Variants in MYO10 observed in about 807,000 individuals in gnomAD.
MYO10 encodes the protein unconventional myosin-X.
A neutral mutation model predicts 257.3 loss-of-function variants in MYO10; 133 were observed. The ratio of observed to expected loss-of-function variants is 0.52; its 90% CI spans 0.45 to 0.60. The LOEUF is 0.60. MYO10 is among the 20% of genes least tolerant of loss of function. MYO10 has a pLI of 0.00. For missense variants in MYO10, 2,399 were observed against 2,635.7 expected (o/e 0.91, Z 1.97); for synonymous variants, 1,104 against 1,028.6 (o/e 1.07, Z -1.40).
chr5:16,755,579 C>T (rs1043433280), intron 18 of MYO10, among the ~76,000 whole-genome samples: 3 of 152,198 alleles, frequency 2.0e-5, no homozygotes, highest in Non-Finnish European at 4.4e-5. Flanking sequence ...TGTCATTATT[C>T]TTCCCAATTC....
At chr5:16,892,362 C>T (rs1437411769) in intron 1 of MYO10, among the ~76,000 whole-genome samples, 1 of 152,138 alleles carries the variant, frequency 6.6e-6, no homozygotes, top group African/African-American at 2.4e-5. Flanking sequence ...ATGGGGTTGC[C>T]GGGCACGGTG....
In MYO10 at chr5:16,679,978, G is replaced by C; in HGVS notation, c.4511C>G (p.Thr1504Ser). Reference sequence around the variant, plus strand: ...ATCTTGAATCAGCTGCTGGGTGGGGGTGTCGATCGGGGCCTTGGTGTCAGT... The same window carrying C: ...ATCTTGAATCAGCTGCTGGGTGGGGCTGTCGATCGGGGCCTTGGTGTCAGT... Reference protein sequence around the residue: ...NVTDTKAPIDTPTQQLIQDIK... With the variant: ...NVTDTKAPIDSPTQQLIQDIK... The change falls in exon 33 of 41, where the codon ACC (threonine) becomes AGC (serine). Residue 1504 changes from threonine to serine, a missense_variant. Physicochemically the swap from Thr to Ser is moderately conservative, Grantham distance 58. Coordinates refer to ENST00000513610, the MANE Select transcript of MYO10 (RefSeq NM_012334.3). The C allele has an allele frequency of 4.3e-6, 7 of 1,613,904 alleles. No homozygotes were observed. The highest frequency in any genetic ancestry group is 5.1e-6 in the Non-Finnish European group (6 of 1,179,846).
rs147115502 is a variant in MYO10 at position 16,717,430 on chromosome 5, A to G, written c.1930-6185T>C. Among the ~76,000 whole-genome samples the G allele has an allele frequency of 3.9e-5, 6 of 152,344 alleles. No homozygotes were observed. In the East Asian group the frequency reaches 1.2e-3, roughly 29 times the overall value. On this transcript the variant is annotated intron_variant, in intron 19 of 40. Transcript: ENST00000513610. ...AGACATTCTCTGGAGATTTAAGCAC[A>G]AGGAACATTCCTAGAGATCAACTTG...
chr5:16,857,733 A>AAGGTTTT (rs1381727322), intron 2 of MYO10, among the ~76,000 whole-genome samples: 1 of 152,112 alleles, frequency 6.6e-6, no homozygotes, highest in Non-Finnish European at 1.5e-5. Flanking sequence ...TGAGCAAGGA[A>AAGGTTTT]CCTCCTCTCA....
intron 4 of MYO10, among the ~76,000 whole-genome samples, chr5:16,787,340 A>C (rs1176671566): frequency 6.6e-6 from 1 of 152,146 alleles, no homozygotes; most frequent in African/African-American, 2.4e-5. Context: ...GAAGAAATAT[A>C]ATTAAATAAC....
In MYO10 at chr5:16,689,881, T is replaced by C. The variant is rs769863794; in HGVS notation, c.3839A>G (p.Asp1280Gly). ...IDNTTKENGIDIIMADRTFHL... is the reference protein window; with the variant it reads ...IDNTTKENGIGIIMADRTFHL... Reference sequence around the variant, plus strand: ...GAAAGTCCTATCGGCCATAATGATGTCGATCCCATTCTCCTTGGTGGTGTT... The same window carrying C: ...GAAAGTCCTATCGGCCATAATGATGCCGATCCCATTCTCCTTGGTGGTGTT... Residue 1280 changes from aspartate to glycine, a missense_variant, in exon 28 of 41, where the codon GAC (aspartate) becomes GGC (glycine). Coordinates refer to ENST00000513610, the MANE Select transcript of MYO10 (RefSeq NM_012334.3). The C allele has an allele frequency of 4.3e-6, 7 of 1,613,654 alleles. No homozygotes were observed. The Admixed American group carries it at 8.3e-5, about 19-fold the overall frequency.
At chr5:16,721,214 C>T (rs953663876) in intron 19 of MYO10, among the ~76,000 whole-genome samples, 2 of 152,186 alleles carry the variant, frequency 1.3e-5, no homozygotes, top group Non-Finnish European at 2.9e-5. Flanking sequence ...CTCCCATCCC[C>T]TCCTCTTGCT....
intron 2 of MYO10, among the ~76,000 whole-genome samples, chr5:16,818,439 T>TATATATGTATATATATATATACG (rs1742706650): frequency 6.8e-6 from 1 of 147,198 alleles, no homozygotes; most frequent in African/African-American, 2.6e-5. Context: ...CATATCTTTG[T>TATATATGTATATATATATATACG]TGTTGTTGTT....
chr5:16,675,558 C>T (rs577303523), intron 34 of MYO10, among the ~76,000 whole-genome samples: 4 of 152,026 alleles, frequency 2.6e-5, no homozygotes, highest in South Asian at 2.1e-4. Flanking sequence ...GGCAATATGG[C>T]GAAACCCTGT....
intron 19 of MYO10, among the ~76,000 whole-genome samples, chr5:16,736,560 G>A (rs2126625602): frequency 6.6e-6 from 1 of 152,218 alleles, no homozygotes; most frequent in African/African-American, 2.4e-5. Flanking sequence ...TTCCACTTCT[G>A]CACAGGACCT....
At chr5:16,738,533 TG>T in intron 19 of MYO10, 1 of 335,864 alleles carries the variant, frequency 3.0e-6, no homozygotes, top group Non-Finnish European at 4.2e-6. Flanking sequence ...CAGGTGTATG[TG>T]TATGTATATC....
intron 3 of MYO10, 61 bp downstream of exon 3, chr5:16,817,948 C>T: frequency 7.9e-7 from 1 of 1,270,592 alleles, no homozygotes; most frequent in South Asian, 2.3e-5. Flanking sequence ...TCTCTGAAAA[C>T]AAAAATAAGC....
At position 16,711,114 on chromosome 5, in the gene MYO10, C is replaced by G; in HGVS notation, c.2054+7G>C. ...AAGAAAGAGAATCCAATTCAGCTCC[C>G]TCTTGCCTTTTGTAAAAGTCCTGAA... is the stretch of plus-strand genomic sequence containing the variant. On this transcript the variant is annotated splice_region_variant and intron_variant, in intron 20 of 40. Coordinates refer to ENST00000513610, the MANE Select transcript of MYO10 (RefSeq NM_012334.3). 1 of 1,613,906 alleles carries G rather than the reference C, an allele frequency of 6.2e-7. No homozygotes were observed. Among genetic ancestry groups the G allele is most frequent in the Non-Finnish European group, 8.5e-7 (1 of 1,179,810 alleles).
chr5:16,905,112 A>G (rs548225123), intron 1 of MYO10, among the ~76,000 whole-genome samples: 2 of 152,306 alleles, frequency 1.3e-5, no homozygotes, highest in South Asian at 4.1e-4. Context: ...ACCGAACATC[A>G]GGCAGCAAAT....
At position 16,935,815 on chromosome 5, in the gene MYO10, AG is replaced by A. The variant is rs767238276; in HGVS notation, c.-8del. On this transcript the variant is annotated 5_prime_UTR_variant, in exon 1 of 41. Transcript: ENST00000513610. ...CGGTGAAGAAGTTATCCATTGTTCC[AG>A]CGCAGTCCCGGACTCGCCGAGTGCC... is the stretch of plus-strand genomic sequence containing the variant. The A allele has an allele frequency of 1.2e-6, 2 of 1,613,150 alleles. No individual in the cohort carries two copies. The highest frequency in any genetic ancestry group is 3.3e-5 in the Admixed American group (2 of 59,996).
chr5:16,933,216 G>A (rs966545818), intron 1 of MYO10, among the ~76,000 whole-genome samples: 7 of 152,136 alleles, frequency 4.6e-5, no homozygotes, highest in African/African-American at 1.7e-4. Context: ...CAGACCTTTC[G>A]GGTTGTCACA....
intron 2 of MYO10, among the ~76,000 whole-genome samples, chr5:16,857,314 T>C (rs2560857): frequency 0.032 from 4,942 of 152,264 alleles, 267 homozygotes; most frequent in African/African-American, 0.11. Flanking sequence ...TCAATAAGGA[T>C]TCCTTTACGG....
rs1743958643 is a variant in MYO10, at chr5:16,856,278, A to C, written c.120+21331T>G. On this transcript the variant is annotated intron_variant, in intron 2 of 40. Transcript: ENST00000513610. Reference sequence around the variant, plus strand: ...AATTCTAAAGAAAGACCTGTTCAAGACCAGGCACTGTGGCTCACGCCTGTA... The same window carrying C: ...AATTCTAAAGAAAGACCTGTTCAAGCCCAGGCACTGTGGCTCACGCCTGTA... Among the ~76,000 whole-genome samples, 4 of 152,186 alleles carry C rather than the reference A, an allele frequency of 2.6e-5. No homozygotes were observed. In the South Asian group the frequency reaches 8.3e-4, roughly 31 times the overall value.
At chr5:16,793,470 T>G (rs975977747) in intron 4 of MYO10, among the ~76,000 whole-genome samples, 1 of 152,086 alleles carries the variant, frequency 6.6e-6, no homozygotes, top group African/African-American at 2.4e-5. Context: ...ACTATAGGCA[T>G]GAGCCACCGC....
Sources: allele counts gnomAD v4.1 joint callset (sites outside exome capture counted in the v4.1 genomes callset), GRCh38; gene constraint gnomAD v4.1.1; transcripts MANE v1.5; gene names NCBI Gene and HGNC (gene_info 2026-07-23, HGNC 2026-07-21).